ANKRD11: variants seen among roughly 807,000 people sequenced by gnomAD.
ANKRD11 encodes the protein ankyrin repeat domain-containing protein 11.
A neutral mutation model predicts 195.7 loss-of-function variants in ANKRD11; 17 were observed. That is an observed-to-expected ratio of 0.09 (90% CI 0.06 to 0.13). ANKRD11 has a LOEUF of 0.13. Ranked by LOEUF, ANKRD11 falls within the 10% of genes least tolerant of loss-of-function variation. The probability of loss-of-function intolerance (pLI) is 1.00; values close to 1 mark genes in which losing one functional copy is unlikely to be tolerated. For synonymous variants in ANKRD11, 1,953 were observed against 1,528.1 expected (o/e 1.28, Z -6.49); for missense variants, 3,735 against 3,566.1 (o/e 1.05, Z -1.21).
Position 89,268,376 on chromosome 16 carries a change from C to G in ANKRD11, c.*102G>C, listed in dbSNP as rs1288521136. 1.7e-6 allele frequency: 1 copy of G among 571,726 alleles called. No homozygotes were observed. The highest frequency in any genetic ancestry group is 2.7e-5 in the African/African-American group (1 of 37,542). The allele number at this position is 571,726 out of a possible 1,614,324, so 35.4% of individuals were successfully genotyped here. ...TGCAGTCTCTCTCGGGGTCTCTCCCCGCCCGGGTGGACAGGGCGCTCCCTC... is the reference window on the plus strand; with the variant it reads ...TGCAGTCTCTCTCGGGGTCTCTCCCGGCCCGGGTGGACAGGGCGCTCCCTC... On this transcript the variant is annotated 3_prime_UTR_variant, in exon 13 of 13. Coordinates refer to ENST00000301030, the MANE Select transcript of ANKRD11 (RefSeq NM_013275.6).
At chr16:89,320,889 G>A (rs1380732832) in intron 2 of ANKRD11, among the ~76,000 whole-genome samples, 1 of 152,224 alleles carries the variant, frequency 6.6e-6, no homozygotes, top group Admixed American at 6.5e-5. Context: ...CCCTGCAATG[G>A]GGCTCAAAAG....
At chr16:89,457,450 T>C (rs2056488244) in intron 1 of ANKRD11, among the ~76,000 whole-genome samples, 1 of 150,956 alleles carries the variant, frequency 6.6e-6, no homozygotes, top group African/African-American at 2.4e-5. Flanking sequence ...ATACAAAAAT[T>C]AGCCAGGCGT....
At chr16:89,269,138 C>G (rs1175763518) in intron 12 of ANKRD11, among the ~76,000 whole-genome samples, 1 of 152,134 alleles carries the variant, frequency 6.6e-6, no homozygotes, top group African/African-American at 2.4e-5. Context: ...GGAAGCGTGG[C>G]CAGGGAGTAC....
chr16:89,305,653 G>A (rs983348414), intron 3 of ANKRD11, among the ~76,000 whole-genome samples: 4 of 125,414 alleles, frequency 3.2e-5, no homozygotes, highest in East Asian at 2.3e-4. Context: ...CTCTCACTCC[G>A]CAGACACGCG....
intron 2 of ANKRD11, among the ~76,000 whole-genome samples, chr16:89,357,060 T>C (rs995782889): frequency 6.6e-6 from 1 of 152,216 alleles, no homozygotes; most frequent in Non-Finnish European, 1.5e-5. Flanking sequence ...TCTAAAAATC[T>C]ACCACAGAAT....
intron 7 of ANKRD11, chr16:89,288,028 G>A (rs1388487887): frequency 2.3e-5 from 12 of 517,368 alleles, no homozygotes; most frequent in African/African-American, 3.8e-5. Context: ...GACCTCTCTC[G>A]ACCCCCACAG....
chr16:89,470,784 T>C (rs185355989), intron 1 of ANKRD11, among the ~76,000 whole-genome samples: 1 of 150,146 alleles, frequency 6.7e-6, no homozygotes, highest in Non-Finnish European at 1.5e-5. Flanking sequence ...GGTCAGGAGA[T>C]CAAGACTATC....
intron 2 of ANKRD11, among the ~76,000 whole-genome samples, chr16:89,409,806 G>C (rs570480712): frequency 6.7e-6 from 1 of 149,868 alleles, no homozygotes; most frequent in Non-Finnish European, 1.5e-5. Flanking sequence ...GCATCTTTCT[G>C]CTCACTTCTC....
In ANKRD11 at chr16:89,282,404, A is replaced by T; in HGVS notation, c.4138T>A (p.Tyr1380Asn). Residue 1380 changes from tyrosine to asparagine, a missense_variant, in exon 9 of 13, where the codon TAC becomes AAC. Tyr to Asn is a moderately radical substitution (Grantham distance 143). Coordinates refer to ENST00000301030, the MANE Select transcript of ANKRD11 (RefSeq NM_013275.6). ...KAEKKEKGEDYKEGGSRKDSG... is the reference protein window; with the variant it reads ...KAEKKEKGEDNKEGGSRKDSG... ...TCCTTCCTGCTACCGCCCTCCTTGT[A>T]ATCTTCGCCCTTCTCTTTCTTCTCG... 6.2e-7 allele frequency: 1 copy of T among 1,613,674 alleles called. No individual in the cohort carries two copies. Among genetic ancestry groups the T allele is most frequent in the South Asian group, 1.1e-5 (1 of 91,030 alleles).
At chr16:89,453,248 T>G (rs2056276276) in intron 1 of ANKRD11, among the ~76,000 whole-genome samples, 1 of 152,244 alleles carries the variant, frequency 6.6e-6, no homozygotes. Context: ...GACATTAAAT[T>G]TTGTTTCAGT....
intron 3 of ANKRD11, among the ~76,000 whole-genome samples, chr16:89,311,375 C>T (rs959521678): frequency 6.6e-5 from 10 of 152,156 alleles, no homozygotes; most frequent in African/African-American, 2.2e-4. Flanking sequence ...CTTTGTCTGG[C>T]TTTGGTATCA....
intron 2 of ANKRD11, among the ~76,000 whole-genome samples, chr16:89,405,889 C>G (rs1285680186): frequency 6.6e-6 from 1 of 152,064 alleles, no homozygotes; most frequent in Non-Finnish European, 1.5e-5. Flanking sequence ...GCCGGCAGAT[C>G]ACCTGAGGAC....
chr16:89,472,052 T>A (rs922648147), intron 1 of ANKRD11, among the ~76,000 whole-genome samples: 19 of 152,034 alleles, frequency 1.2e-4, no homozygotes, highest in African/African-American at 4.6e-4. Context: ...GGTGACTACT[T>A]TTAAAGGTGC....
At chr16:89,457,256 G>A (rs2056480858) in intron 1 of ANKRD11, among the ~76,000 whole-genome samples, 1 of 150,022 alleles carries the variant, frequency 6.7e-6, no homozygotes, top group South Asian at 2.2e-4. Flanking sequence ...ACCGCGCCCG[G>A]CCGAGTCTTA....
chr16:89,405,273 G>A (rs2041860278), intron 2 of ANKRD11, among the ~76,000 whole-genome samples: 1 of 152,128 alleles, frequency 6.6e-6, no homozygotes, highest in Non-Finnish European at 1.5e-5. Context: ...GCCGTTACGT[G>A]GGGCATGACT....
intron 12 of ANKRD11, 133 bp from the exon 13 acceptor site, chr16:89,268,796 C>A: frequency 2.0e-6 from 2 of 1,009,292 alleles, no homozygotes; most frequent in Non-Finnish European, 2.9e-6. Flanking sequence ...CCAGGCCCAG[C>A]TGTACCCGCT....
intron 1 of ANKRD11, among the ~76,000 whole-genome samples, chr16:89,432,236 TAC>T (rs59807718): frequency 0.34 from 48,302 of 142,540 alleles, 7,846 homozygotes; most frequent in Non-Finnish European, 0.36. Flanking sequence ...CGTGATGCAG[TAC>T]ACACACACAC....
intron 2 of ANKRD11, among the ~76,000 whole-genome samples, chr16:89,374,672 C>T (rs957653211): frequency 3.9e-5 from 6 of 152,152 alleles, no homozygotes; most frequent in Admixed American, 3.3e-4. Context: ...AAAAGCTCCT[C>T]CAGAGAGCAT....
In ANKRD11 at chr16:89,281,431, G is replaced by A. The variant is rs1257574452; in HGVS notation, c.5111C>T (p.Pro1704Leu). ...GCAGGATAGCACCGACGTAGGGGTG[G>A]GCACGCCAGTGGGCCGGCTCTGGTC... ...RPDQSRPTGVPTPTSVLSCPS... is the reference protein window; with the variant it reads ...RPDQSRPTGVLTPTSVLSCPS... Residue 1704 changes from proline (P) to leucine (L), a missense_variant, in exon 9 of 13, where the codon CCC becomes CTC. Coordinates refer to ENST00000301030, the MANE Select transcript of ANKRD11 (RefSeq NM_013275.6). The surrounding 1 kb of genome is among the most constrained non-coding windows in gnomAD (Gnocchi z 5.5). 6.2e-7 allele frequency: 1 copy of A among 1,612,980 alleles called. No homozygotes were observed. Among genetic ancestry groups the A allele is most frequent in the African/African-American group, 1.3e-5 (1 of 74,982 alleles).
Sources: allele counts gnomAD v4.1 joint callset (sites outside exome capture counted in the v4.1 genomes callset), GRCh38; gene constraint gnomAD v4.1.1; non-coding constraint Gnocchi (gnomAD v3.1); transcripts MANE v1.5; gene names NCBI Gene and HGNC (gene_info 2026-07-23, HGNC 2026-07-21).